PEBP4: variants seen among roughly 807,000 people sequenced by gnomAD.
PEBP4 encodes phosphatidylethanolamine binding protein 4, also known as phosphatidylethanolamine-binding protein 4.
PEBP4 carries 22 observed loss-of-function variants against 23.9 expected under a neutral mutation model. The ratio of observed to expected loss-of-function variants is 0.92; its 90% CI spans 0.66 to 1.31. PEBP4 has a LOEUF of 1.31. PEBP4 is among the 40% of genes most tolerant of loss of function. The probability of loss-of-function intolerance (pLI) is 0.00; values close to 1 mark genes in which losing one functional copy is unlikely to be tolerated. For missense variants in PEBP4, 324 were observed against 281.7 expected (o/e 1.15, Z -1.07); for synonymous variants, 112 against 99.3 (o/e 1.13, Z -0.76).
chr8:22,899,165 G>A (rs752081506), intron 3 of PEBP4, among the ~76,000 whole-genome samples: 10 of 152,200 alleles, frequency 6.6e-5, no homozygotes, highest in Non-Finnish European at 1.5e-4. Context: ...ATTAAATGAT[G>A]ATGATACATA....
At chr8:22,914,915 C>T (rs1187020794) in intron 3 of PEBP4, among the ~76,000 whole-genome samples, 1 of 152,174 alleles carries the variant, frequency 6.6e-6, no homozygotes, top group African/African-American at 2.4e-5. Flanking sequence ...CAGCGCCATG[C>T]CCAATGACAC....
intron 3 of PEBP4, among the ~76,000 whole-genome samples, chr8:22,881,746 CAG>C (rs1203647748): frequency 6.6e-6 from 1 of 152,188 alleles, no homozygotes; most frequent in African/African-American, 2.4e-5. Context: ...CTGCCCATGA[CAG>C]AGGGAGGCAG....
Position 22,922,379 on chromosome 8 carries a change from C to T in PEBP4, c.132-2069G>A, listed in dbSNP as rs1438535593. On this transcript the variant is annotated intron_variant, in intron 2 of 6. Transcript: ENST00000256404. The stretch of plus-strand genomic sequence containing the variant: ...TGACTTACGAGACGACCTGGACAAA[C>T]CTGAGGTGAGCTGAATCAAAAATTA... Among the ~76,000 whole-genome samples the T allele has an allele frequency of 2.0e-5, 3 of 148,090 alleles. No individual in the cohort carries two copies. The Admixed American group carries it at 2.0e-4, about 10-fold the overall frequency.
chr8:22,904,771 T>C (rs1808778591), intron 3 of PEBP4, among the ~76,000 whole-genome samples: 1 of 152,254 alleles, frequency 6.6e-6, no homozygotes, highest in South Asian at 2.1e-4. Context: ...TAAAAATATA[T>C]TGTGAGATCT....
intron 4 of PEBP4, among the ~76,000 whole-genome samples, chr8:22,795,164 T>TATATATATATATATATATATATA (rs1491200518): frequency 2.3e-4 from 4 of 17,534 alleles, no homozygotes; most frequent in East Asian, 1.6e-3. Flanking sequence ...TATATATATA[T>TATATATATATATATATATATATA]TTTTTTTTTT....
At chr8:22,813,623 TATTA>T (rs1806678681) in intron 4 of PEBP4, among the ~76,000 whole-genome samples, 1 of 152,212 alleles carries the variant, frequency 6.6e-6, no homozygotes, top group South Asian at 2.1e-4. Flanking sequence ...GCATGAAGAT[TATTA>T]GTTAGATGGA....
intron 3 of PEBP4, among the ~76,000 whole-genome samples, chr8:22,828,605 T>C (rs1478902078): frequency 1.3e-5 from 2 of 152,052 alleles, no homozygotes; most frequent in African/African-American, 4.8e-5. Context: ...GGTCAGGAGG[T>C]TGGGTAGACG....
At chr8:22,840,314 C>T (rs192144988) in intron 3 of PEBP4, among the ~76,000 whole-genome samples, 69 of 152,188 alleles carry the variant, frequency 4.5e-4, no homozygotes, top group African/African-American at 1.6e-3. Flanking sequence ...TTTTTAAACA[C>T]ACAGGTGTGG....
chr8:22,859,499 G>C (rs1245532359), intron 3 of PEBP4, among the ~76,000 whole-genome samples: 1 of 152,194 alleles, frequency 6.6e-6, no homozygotes, highest in African/African-American at 2.4e-5. Context: ...GCCCAGGTGA[G>C]ATGAGCCTCG....
At chr8:22,873,356 C>T (rs967226387) in intron 3 of PEBP4, among the ~76,000 whole-genome samples, 6 of 152,142 alleles carry the variant, frequency 3.9e-5, no homozygotes, top group African/African-American at 1.4e-4. Flanking sequence ...TGGCCAGGCA[C>T]AGTGGCTCAT....
chr8:22,756,667 C>T (rs1805389376), intron 4 of PEBP4, among the ~76,000 whole-genome samples: 3 of 152,236 alleles, frequency 2.0e-5, no homozygotes, highest in Non-Finnish European at 4.4e-5. Context: ...TCTGTCTGTA[C>T]AAAAACCCAC....
intron 3 of PEBP4, among the ~76,000 whole-genome samples, chr8:22,818,739 C>T (rs1318838279): frequency 6.6e-6 from 1 of 152,132 alleles, no homozygotes; most frequent in Non-Finnish European, 1.5e-5. Context: ...TTAGGAGACT[C>T]GCAGTAGCAT....
At chr8:22,723,620 T>C (rs921829677) in intron 6 of PEBP4, among the ~76,000 whole-genome samples, 1 of 152,208 alleles carries the variant, frequency 6.6e-6, no homozygotes, top group Non-Finnish European at 1.5e-5. Context: ...ACAGTTTTTC[T>C]TGGTCTGGGC....
At chr8:22,834,743 C>G (rs1252725365) in intron 3 of PEBP4, among the ~76,000 whole-genome samples, 1 of 152,214 alleles carries the variant, frequency 6.6e-6, no homozygotes, top group African/African-American at 2.4e-5. Context: ...CTTTTGTCCC[C>G]TCACTCATTT....
chr8:22,897,271 T>C lies in PEBP4; in HGVS notation c.258+22913A>G, dbSNP rs140298699. Among the ~76,000 whole-genome samples the C allele has an allele frequency of 5.3e-5, 8 of 152,300 alleles. No individual in the cohort carries two copies. In the East Asian group the frequency reaches 1.5e-3, roughly 29 times the overall value. ...AAGTCCCTGGGGACAGATCACATTG[T>C]AAGCTGCTATCAGTCACCACACTGC... On this transcript the variant is annotated intron_variant, in intron 3 of 6. Coordinates refer to ENST00000256404, the MANE Select transcript of PEBP4 (RefSeq NM_144962.3).
intron 4 of PEBP4, among the ~76,000 whole-genome samples, chr8:22,777,216 G>A (rs2128754736): frequency 6.6e-6 from 1 of 152,080 alleles, no homozygotes; most frequent in Non-Finnish European, 1.5e-5. Flanking sequence ...TTCCCCTCAG[G>A]TCCCCCTGAG....
intron 3 of PEBP4, among the ~76,000 whole-genome samples, chr8:22,917,882 A>G (rs1272820356): frequency 6.6e-6 from 1 of 152,178 alleles, no homozygotes; most frequent in Non-Finnish European, 1.5e-5. Flanking sequence ...TGTTGGGGCC[A>G]TCTTTGTCAC....
chr8:22,804,490 G>C (rs930032543), intron 4 of PEBP4, among the ~76,000 whole-genome samples: 1 of 150,102 alleles, frequency 6.7e-6, no homozygotes, highest in Non-Finnish European at 1.5e-5. Context: ...TTTTTATTAT[G>C]ATGAGGTCAC....
At chr8:22,809,009 C>T (rs978228715) in intron 4 of PEBP4, among the ~76,000 whole-genome samples, 5 of 152,192 alleles carry the variant, frequency 3.3e-5, no homozygotes, top group Admixed American at 6.5e-5. Flanking sequence ...GCTCATTCTC[C>T]TGGCCAGGCC....
Sources: gnomAD v4.1 joint callset for allele counts (sites outside exome capture counted in the v4.1 genomes callset) on GRCh38, gnomAD v4.1.1 for gene constraint, MANE v1.5 for transcripts, NCBI Gene and HGNC (gene_info 2026-07-23, HGNC 2026-07-21) for gene names.